GALNTL6: variants seen among roughly 807,000 people sequenced by gnomAD.
GALNTL6 encodes polypeptide N-acetylgalactosaminyltransferase-like 6.
In GALNTL6, 46 loss-of-function variants were observed where a neutral mutation model predicts 73.7. That is an observed-to-expected ratio of 0.62 (90% CI 0.49 to 0.80). GALNTL6 has a LOEUF of 0.80. Ranked by LOEUF, GALNTL6 falls within the 30% of genes least tolerant of loss-of-function variation. The probability of loss-of-function intolerance (pLI) is 0.00; values close to 1 mark genes in which losing one functional copy is unlikely to be tolerated. For missense variants in GALNTL6, 604 were observed against 755.0 expected (o/e 0.80, Z 2.34); for synonymous variants, 259 against 263.7 (o/e 0.98, Z 0.17).
intron 3 of GALNTL6, among the ~76,000 whole-genome samples, chr4:172,270,729 T>C (rs1047463662): frequency 2.6e-5 from 4 of 151,582 alleles, no homozygotes; most frequent in African/African-American, 9.7e-5. Flanking sequence ...GGTAGGTAGA[T>C]GATAGATAGA....
chr4:172,158,671 G>C (rs1031543527), intron 2 of GALNTL6, among the ~76,000 whole-genome samples: 1 of 151,750 alleles, frequency 6.6e-6, no homozygotes, highest in Non-Finnish European at 1.5e-5. Context: ...AGTTAAACAG[G>C]GTCCATTTAT....
chr4:172,863,532 A>G (rs1335052093), intron 7 of GALNTL6, among the ~76,000 whole-genome samples: 4 of 152,148 alleles, frequency 2.6e-5, no homozygotes, highest in African/African-American at 9.7e-5. Flanking sequence ...CTTGCATGGA[A>G]TCTGTAGCCC....
In GALNTL6 at chr4:173,009,250, A is replaced by G. The variant is rs761280305; in HGVS notation, c.1444A>G (p.Ile482Val). 1.2e-6 allele frequency: 2 copies of G among 1,614,056 alleles called. No individual in the cohort carries two copies. The highest frequency in any genetic ancestry group is 3.3e-5 in the Admixed American group (2 of 60,030). Reference protein sequence around the residue: ...GATGTELRLDICVKDGSERTW... With the variant: ...GATGTELRLDVCVKDGSERTW... ...CACCGGAACAGAGCTGAGGCTGGACATCTGTGTCAAGGATGGTTCTGAAAG... is the reference window on the plus strand; with the variant it reads ...CACCGGAACAGAGCTGAGGCTGGACGTCTGTGTCAAGGATGGTTCTGAAAG... Residue 482 changes from isoleucine (I) to valine (V), a missense_variant, in exon 11 of 13, where the codon ATC becomes GTC. Around this residue, in one of 5 missense-constraint regions of GALNTL6, gnomAD observed 261 missense variants for 296.5 expected, o/e 0.88. Transcript: ENST00000506823.
chr4:172,002,535 G>GT (rs1343494330), intron 2 of GALNTL6, among the ~76,000 whole-genome samples: 2 of 151,988 alleles, frequency 1.3e-5, no homozygotes, highest in African/African-American at 2.4e-5. Flanking sequence ...AGACATACAA[G>GT]TTTTTTTAAT....
chr4:172,360,626 G>A (rs1293833753), intron 5 of GALNTL6, among the ~76,000 whole-genome samples: 1 of 152,016 alleles, frequency 6.6e-6, no homozygotes, highest in African/African-American at 2.4e-5. Flanking sequence ...ACACACATAG[G>A]GAAATCATGG....
At chr4:172,135,156 A>G (rs1733603703) in intron 2 of GALNTL6, among the ~76,000 whole-genome samples, 1 of 152,210 alleles carries the variant, frequency 6.6e-6, no homozygotes. Flanking sequence ...AACAATAATT[A>G]TAACTTAAAT....
rs375874578 is a variant in GALNTL6, at chr4:172,323,696, G to A, written c.386+11944G>A. ...TAGCTATTCTGATAATTATTTTTAG[G>A]AGATCTGGATTTCACAGAATTTAAC... On this transcript the variant is annotated intron_variant, in intron 4 of 12. Transcript: ENST00000506823. Among the ~76,000 whole-genome samples, 5 of 151,942 alleles carry A rather than the reference G, an allele frequency of 3.3e-5. No individual in the cohort carries two copies. The East Asian group carries it at 9.7e-4, about 29-fold the overall frequency.
At chr4:171,957,611 G>T (rs925240569) in intron 2 of GALNTL6, among the ~76,000 whole-genome samples, 3 of 152,156 alleles carry the variant, frequency 2.0e-5, no homozygotes, top group Non-Finnish European at 2.9e-5. Flanking sequence ...AGTTATCAAC[G>T]CATTGCGGCA....
At chr4:172,618,871 G>A (rs1000338190) in intron 5 of GALNTL6, among the ~76,000 whole-genome samples, 8 of 152,078 alleles carry the variant, frequency 5.3e-5, no homozygotes, top group Admixed American at 5.2e-4. Context: ...TTAAGGGTGC[G>A]CACCATCACA....
intron 3 of GALNTL6, among the ~76,000 whole-genome samples, chr4:172,259,916 G>C (rs1057058527): frequency 6.6e-6 from 1 of 151,660 alleles, no homozygotes; most frequent in African/African-American, 2.4e-5. Flanking sequence ...TCAGTTGGCT[G>C]TAAGTGTTTG....
intron 2 of GALNTL6, among the ~76,000 whole-genome samples, chr4:172,154,130 G>A (rs1019389191): frequency 5.5e-5 from 8 of 145,050 alleles, no homozygotes; most frequent in Admixed American, 4.8e-4. Context: ...TAAAAATCAT[G>A]CTCATTTTAC....
At chr4:171,923,371 A>G in intron 2 of GALNTL6, among the ~76,000 whole-genome samples, 1 of 148,866 alleles carries the variant, frequency 6.7e-6, no homozygotes. Flanking sequence ...ATAACCACTG[A>G]GCTGGATTTC....
At chr4:172,473,200 C>T (rs919134924) in intron 5 of GALNTL6, among the ~76,000 whole-genome samples, 1 of 152,154 alleles carries the variant, frequency 6.6e-6, no homozygotes, top group Non-Finnish European at 1.5e-5. Context: ...GCCATCTTGC[C>T]TACTCAAGAC....
At chr4:172,229,794 A>T in intron 3 of GALNTL6, 30 bp downstream of exon 3, 1 of 1,332,490 alleles carries the variant, frequency 7.5e-7, no homozygotes, top group Non-Finnish European at 1.1e-6. Context: ...CCAAAGTGCT[A>T]TTTCACTCGC....
intron 3 of GALNTL6, among the ~76,000 whole-genome samples, chr4:172,242,763 T>G (rs1737489536): frequency 7.7e-6 from 1 of 129,214 alleles, no homozygotes; most frequent in Non-Finnish European, 1.8e-5. Context: ...TGGAAGGAAA[T>G]TTTAGAAAAA....
At chr4:172,253,837 G>C (rs1030347547) in intron 3 of GALNTL6, among the ~76,000 whole-genome samples, 4 of 151,842 alleles carry the variant, frequency 2.6e-5, no homozygotes, top group Non-Finnish European at 5.9e-5. Flanking sequence ...TAAATTGTTT[G>C]TTCATTTGTT....
intron 5 of GALNTL6, among the ~76,000 whole-genome samples, chr4:172,533,504 T>G (rs1401326029): frequency 6.6e-6 from 1 of 151,350 alleles, no homozygotes; most frequent in Non-Finnish European, 1.5e-5. Context: ...TTTGTATTTT[T>G]AGTAGAGACA....
intron 5 of GALNTL6, among the ~76,000 whole-genome samples, chr4:172,381,817 A>G (rs573868924): frequency 1.9e-4 from 29 of 152,344 alleles, no homozygotes; most frequent in African/African-American, 6.7e-4. Context: ...GCTGCAGTGT[A>G]TGGTATGAAG....
At chr4:171,885,322 C>T (rs1047595437) in intron 2 of GALNTL6, among the ~76,000 whole-genome samples, 8 of 152,126 alleles carry the variant, frequency 5.3e-5, no homozygotes, top group African/African-American at 1.9e-4. Flanking sequence ...TTCCATCATA[C>T]TTTGTTGATA....
Sources: gnomAD v4.1 joint callset for allele counts (sites outside exome capture counted in the v4.1 genomes callset) on GRCh38, gnomAD v4.1.1 for gene constraint, gnomAD v4.1.1 regional missense constraint, MANE v1.5 for transcripts, NCBI Gene and HGNC (gene_info 2026-07-23, HGNC 2026-07-21) for gene names.